RWDD1: variants seen among roughly 807,000 people sequenced by gnomAD.
The protein encoded by RWDD1 is RWD domain-containing protein 1.
A neutral mutation model predicts 31.6 loss-of-function variants in RWDD1; 17 were observed. The observed-to-expected ratio is 0.54, with a 90% CI of 0.37 to 0.81. The LOEUF is 0.81. Ranked by LOEUF, RWDD1 falls within the 30% of genes least tolerant of loss-of-function variation. The pLI is 0.00. For missense variants in RWDD1, 204 were observed against 274.5 expected (o/e 0.74, Z 1.82); for synonymous variants, 78 against 94.2 (o/e 0.83, Z 0.99).
intron 2 of RWDD1, among the ~76,000 whole-genome samples, chr6:116,581,239 A>G (rs7745585): frequency 0.055 from 8,301 of 152,220 alleles, 650 homozygotes; most frequent in African/African-American, 0.18. Flanking sequence ...CATGAAATAA[A>G]TACTATACTG....
chr6:116,576,438 T>G (rs1774842801), intron 1 of RWDD1, among the ~76,000 whole-genome samples: 1 of 152,206 alleles, frequency 6.6e-6, no homozygotes. Flanking sequence ...TCCCATAACC[T>G]TTGTACCCTG....
chr6:116,593,476 G>T lies in RWDD1; in HGVS notation c.*375G>T, dbSNP rs1775185738. The T allele has an allele frequency of 6.4e-6, 1 of 156,572 alleles. No individual in the cohort carries two copies. The allele number at this position is 156,572 out of a possible 1,614,324, so 9.7% of individuals were successfully genotyped here. On this transcript the variant is annotated 3_prime_UTR_variant, in exon 7 of 7. Transcript: ENST00000466444. ...CTGGATTTCAAGCATTGTATGAAGT[G>T]TGAGAAAACTGAGGTGACTAGCACA...
chr6:116,587,088 A>C (rs1007292446), intron 3 of RWDD1, among the ~76,000 whole-genome samples: 5 of 152,140 alleles, frequency 3.3e-5, no homozygotes, highest in Admixed American at 2.6e-4. Flanking sequence ...AAGATATCCT[A>C]CTTTTATTGG....
At chr6:116,580,810 GTC>G (rs1774935175) in intron 2 of RWDD1, among the ~76,000 whole-genome samples, 1 of 151,994 alleles carries the variant, frequency 6.6e-6, no homozygotes, top group Non-Finnish European at 1.5e-5. Context: ...GCATGTTTCT[GTC>G]TCTTTCTTTT....
chr6:116,580,254 T>C (rs1009397077), intron 1 of RWDD1, 41 bp from the exon 2 acceptor site: 3 of 1,470,022 alleles, frequency 2.0e-6, no homozygotes, highest in Admixed American at 1.8e-5. Context: ...GCATCTGCCT[T>C]AGAAAGCATT....
intron 2 of RWDD1, among the ~76,000 whole-genome samples, chr6:116,581,396 T>C (rs1774945269): frequency 6.6e-6 from 1 of 152,056 alleles, no homozygotes; most frequent in South Asian, 2.1e-4. Context: ...AAGATTACGC[T>C]GAAATGAAAA....
In RWDD1 at chr6:116,594,031, C is replaced by A. The variant is rs952641652; in HGVS notation, c.*930C>A. 1 of 146,842 alleles carries A rather than the reference C, an allele frequency of 6.8e-6. No individual in the cohort carries two copies. The highest frequency in any genetic ancestry group is 1.9e-4 in the East Asian group (1 of 5,170). The allele number at this position is 146,842 out of a possible 1,614,324, so 9.1% of individuals were successfully genotyped here. A position where few individuals can be genotyped will look rare whatever the true frequency, so the allele number is the denominator to read the frequency against. On this transcript the variant is annotated 3_prime_UTR_variant, in exon 7 of 7. Transcript: ENST00000466444. ...GTATCTGCATCTGGTGAGAGCCTCA[C>A]GCTGCTTCCACTCATGGTAGAAGGG...
At chr6:116,574,935 A>AT (rs1470150285) in intron 1 of RWDD1, among the ~76,000 whole-genome samples, 1 of 151,006 alleles carries the variant, frequency 6.6e-6, no homozygotes. Flanking sequence ...TGCCTGGCTA[A>AT]TTTTTTCATT....
Position 116,597,179 on chromosome 6 carries a change from AAGAG to A in RWDD1, c.*4082_*4085del, listed in dbSNP as rs796609585. The stretch of plus-strand genomic sequence containing the variant: ...GAGGGGAGAGATAGCAAGTGAGAAA[AAGAG>A]AGACTAGTGGTGATGTTTTTAAGTA... On this transcript the variant is annotated 3_prime_UTR_variant, in exon 7 of 7. Coordinates refer to ENST00000466444, the MANE Select transcript of RWDD1 (RefSeq NM_015952.4). 30 of 152,316 alleles carry A rather than the reference AAGAG, an allele frequency of 2.0e-4. No individual in the cohort carries two copies. Among genetic ancestry groups the A allele is most frequent in the African/African-American group, 7.0e-4 (29 of 41,564 alleles). The allele number at this position is 152,316 out of a possible 1,614,324, so 9.4% of individuals were successfully genotyped here. A position where few individuals can be genotyped will look rare whatever the true frequency, so the allele number is the denominator to read the frequency against.
rs569796960 is a variant in RWDD1 at position 116,594,967 on chromosome 6, C to T, written c.*1866C>T. The T allele has an allele frequency of 7.9e-5, 12 of 152,170 alleles. No individual in the cohort carries two copies. Among genetic ancestry groups the T allele is most frequent in the Admixed American group, 2.0e-4 (3 of 15,284 alleles). The allele number at this position is 152,170 out of a possible 1,614,324, so 9.4% of individuals were successfully genotyped here. Reference sequence around the variant, plus strand: ...TTTAATACTTTTCAAGGAATCTTCACGTCAGCCTTGATCCCAGACCAATAG... The same window carrying T: ...TTTAATACTTTTCAAGGAATCTTCATGTCAGCCTTGATCCCAGACCAATAG... On this transcript the variant is annotated 3_prime_UTR_variant, in exon 7 of 7. Coordinates refer to ENST00000466444, the MANE Select transcript of RWDD1 (RefSeq NM_015952.4).
intron 2 of RWDD1, among the ~76,000 whole-genome samples, chr6:116,582,414 A>G (rs964713850): frequency 6.6e-6 from 1 of 152,098 alleles, no homozygotes; most frequent in African/African-American, 2.4e-5. Flanking sequence ...ATTCATAGAA[A>G]AGAGGAAGAA....
intron 1 of RWDD1, among the ~76,000 whole-genome samples, chr6:116,573,645 T>G (rs1234233964): frequency 6.6e-6 from 1 of 152,232 alleles, no homozygotes; most frequent in African/African-American, 2.4e-5. Flanking sequence ...TTTTATAGCC[T>G]TCTTTTGTAT....
chr6:116,592,239 T>A, intron 6 of RWDD1, among the ~76,000 whole-genome samples: 1 of 152,214 alleles, frequency 6.6e-6, no homozygotes, highest in African/African-American at 2.4e-5. Flanking sequence ...CCAGTTAGAA[T>A]TATTCAAGGT....
chr6:116,578,656 A>C (rs1774895146), intron 1 of RWDD1, among the ~76,000 whole-genome samples: 1 of 152,172 alleles, frequency 6.6e-6, no homozygotes, highest in East Asian at 1.9e-4. Flanking sequence ...ATATTTGTAA[A>C]ATATAGACAA....
At chr6:116,571,791 C>T (rs528588859) in intron 1 of RWDD1, 136 bp downstream of exon 1, 32 of 595,652 alleles carry the variant, frequency 5.4e-5, no homozygotes, top group South Asian at 5.1e-4. Context: ...CCCTCCACTC[C>T]TCAAGTTCTT....
At chr6:116,588,693 A>C (rs1775082838) in intron 3 of RWDD1, 149 bp from the exon 4 acceptor site, 1 of 326,100 alleles carries the variant, frequency 3.1e-6, no homozygotes, top group Non-Finnish European at 5.3e-6. Context: ...CTTTTTAAAT[A>C]AGATATTATT....
intron 2 of RWDD1, among the ~76,000 whole-genome samples, chr6:116,583,139 A>G (rs1446302284): frequency 6.6e-6 from 1 of 151,632 alleles, no homozygotes; most frequent in African/African-American, 2.4e-5. Context: ...TACCACTCCC[A>G]GCTCAATTTT....
intron 3 of RWDD1, among the ~76,000 whole-genome samples, chr6:116,585,295 ATC>A (rs1010323893): frequency 2.6e-4 from 40 of 152,052 alleles, no homozygotes; most frequent in African/African-American, 9.2e-4. Context: ...TTTTTCTCCC[ATC>A]TCTCATCCTC....
Position 116,597,629 on chromosome 6 carries a change from A to T in RWDD1, c.*4528A>T, listed in dbSNP as rs1230064096. 2.0e-5 allele frequency: 3 copies of T among 152,186 alleles called. No homozygotes were observed. Among genetic ancestry groups the T allele is most frequent in the East Asian group, 1.9e-4 (1 of 5,188 alleles). The allele number at this position is 152,186 out of a possible 1,614,324, so 9.4% of individuals were successfully genotyped here. ...AACATAAAAGGTGTTTTAAGTTTAA[A>T]TTTTTTTAAAAAAACAGGTAAAAAT... On this transcript the variant is annotated 3_prime_UTR_variant, in exon 7 of 7. Transcript: ENST00000466444.
Sources: allele counts gnomAD v4.1 joint callset (sites outside exome capture counted in the v4.1 genomes callset), GRCh38; gene constraint gnomAD v4.1.1; transcripts MANE v1.5; gene names NCBI Gene and HGNC (gene_info 2026-07-23, HGNC 2026-07-21).